The following NUTM1 variants were observed in gnomAD, a reference collection of about 807,000 sequenced individuals.
The protein encoded by NUTM1 is NUT midline carcinoma family member 1.
A neutral mutation model predicts 88.7 loss-of-function variants in NUTM1; 39 were observed. The observed-to-expected ratio is 0.44, with a 90% CI of 0.34 to 0.57. NUTM1 has a LOEUF of 0.57. NUTM1 is among the 20% of genes least tolerant of loss of function. The pLI, the probability that NUTM1 is intolerant of heterozygous loss-of-function variation, is 0.01. For missense variants in NUTM1, 1,350 were observed against 1,414.5 expected (o/e 0.95, Z 0.73); for synonymous variants, 494 against 538.0 (o/e 0.92, Z 1.13).
At position 34,357,281 on chromosome 15, in the gene NUTM1, C is replaced by G. The variant is rs1256621099; in HGVS notation, c.3273C>G (p.Ser1091Arg). ...TCCCTGCTGGAGCAAAAGGCCCCAGCAAACTTCCATATCCTGTTGCCAAGT... is the reference window on the plus strand; with the variant it reads ...TCCCTGCTGGAGCAAAAGGCCCCAGGAAACTTCCATATCCTGTTGCCAAGT... ...HLLPAGAKGP[S>R]KLPYPVAKSG... is the part of the protein sequence containing the mutation. Residue 1091 changes from serine to arginine, a missense_variant, in exon 8 of 8, where the codon AGC becomes AGG. Transcript: ENST00000537011. The G allele has an allele frequency of 1.9e-6, 3 of 1,614,024 alleles. No homozygotes were observed. The highest frequency in any genetic ancestry group is 2.5e-6 in the Non-Finnish European group (3 of 1,180,030).
intron 4 of NUTM1, among the ~76,000 whole-genome samples, chr15:34,351,169 T>A (rs1200286228): frequency 4.9e-5 from 6 of 122,022 alleles, no homozygotes; most frequent in African/African-American, 1.5e-4. Flanking sequence ...TGGAGGTTGC[T>A]GTGAGCCAAG....
At position 34,355,452 on chromosome 15, in the gene NUTM1, C is replaced by A. The variant is rs778006027; in HGVS notation, c.1480-36C>A. ...CCCACTCAGCCACCTCTTTCACAAC[C>A]ACGTATAGAACTGACTATTTGTTCA... is the stretch of plus-strand genomic sequence containing the variant. On this transcript the variant is annotated intron_variant, in intron 7 of 7. Coordinates refer to ENST00000537011, the MANE Select transcript of NUTM1 (RefSeq NM_001284292.2). This position sits in a 1 kb window ranked among gnomAD's most constrained non-coding sequence, Gnocchi z 4.3. 3 of 1,610,836 alleles carry A rather than the reference C, an allele frequency of 1.9e-6. No homozygotes were observed. The South Asian group carries it at 3.3e-5, about 18-fold the overall frequency.
rs764346470 is a variant in NUTM1 at position 34,357,476 on chromosome 15, ACGT to A, written c.3472_3474del (p.Arg1158del). ...TTGTCACGGGCAGAAGGAAGAAACG[ACGT>A]CGTAGCCAGTAGGGAGCAGCGGGAC... On this transcript the variant is annotated inframe_deletion, in exon 8 of 8. Transcript: ENST00000537011. 72 of 1,612,870 alleles carry A rather than the reference ACGT, an allele frequency of 4.5e-5. 2 individuals are homozygous for A. The South Asian group carries it at 6.6e-4, about 15-fold the overall frequency.
rs749623289 is a variant in NUTM1, at chr15:34,356,460, G to T, written c.2452G>T (p.Gly818Cys). ...DTESSVIPCGGTVAAAALEKR... is the reference protein window; with the variant it reads ...DTESSVIPCGCTVAAAALEKR... ...GGAGAGCAGTGTGATTCCCTGTGGAGGCACAGTTGCGGCAGCTGCCCTAGA... is the reference window on the plus strand; with the variant it reads ...GGAGAGCAGTGTGATTCCCTGTGGATGCACAGTTGCGGCAGCTGCCCTAGA... The change falls in exon 8 of 8, where the codon GGC becomes TGC. Residue 818 changes from glycine to cysteine, a missense_variant. Physicochemically the swap from Gly to Cys is radical, Grantham distance 159. Around this residue, in one of 5 missense-constraint regions of NUTM1, gnomAD observed 730 missense variants for 728.8 expected, o/e 1.00. Coordinates refer to ENST00000537011, the MANE Select transcript of NUTM1 (RefSeq NM_001284292.2). 101 of 1,612,530 alleles carry T rather than the reference G, an allele frequency of 6.3e-5. No homozygotes were observed. The highest frequency in any genetic ancestry group is 8.2e-5 in the Non-Finnish European group (97 of 1,179,132).
chr15:34,353,067 A>C (rs1290144701), intron 4 of NUTM1, among the ~76,000 whole-genome samples: 2 of 151,508 alleles, frequency 1.3e-5, no homozygotes, highest in Non-Finnish European at 2.9e-5. Flanking sequence ...GTGCATTTTT[A>C]GTAGAGACGG....
intron 1 of NUTM1, 30 bp downstream of exon 1, chr15:34,343,732 G>C: frequency 2.6e-6 from 4 of 1,529,882 alleles, no homozygotes; most frequent in Non-Finnish European, 3.5e-6. Flanking sequence ...GTAATAAAGT[G>C]CACCTTCTAG....
intron 2 of NUTM1, among the ~76,000 whole-genome samples, chr15:34,347,683 C>T (rs898708124): frequency 6.6e-6 from 1 of 152,070 alleles, no homozygotes; most frequent in Non-Finnish European, 1.5e-5. Context: ...GAAACCCCGT[C>T]TCTATTAAAA....
chr15:34,352,317 G>A (rs1328682027), intron 4 of NUTM1, among the ~76,000 whole-genome samples: 2 of 152,060 alleles, frequency 1.3e-5, no homozygotes, highest in East Asian at 1.9e-4. Flanking sequence ...CAGGACTCTG[G>A]GATCTCACAT....
Position 34,357,607 on chromosome 15 carries a change from GTTGTT to G in NUTM1, c.*122_*126del, listed in dbSNP as rs1194903568. 6.3e-7 allele frequency: 1 copy of G among 1,583,642 alleles called. No homozygotes were observed. The highest frequency in any genetic ancestry group is 1.3e-5 in the African/African-American group (1 of 74,556). On this transcript the variant is annotated 3_prime_UTR_variant, in exon 8 of 8. Coordinates refer to ENST00000537011, the MANE Select transcript of NUTM1 (RefSeq NM_001284292.2). Reference sequence around the variant, plus strand: ...TCCCAATGTTGAATCTCATCCCAATGTTGTTTTGTTGTTCTGCAAAAGTGGCAAGC... The same window carrying G: ...TCCCAATGTTGAATCTCATCCCAATGTTGTTGTTCTGCAAAAGTGGCAAGC...
chr15:34,350,884 A>G (rs756578618), intron 4 of NUTM1, 52 bp downstream of exon 4: 19 of 1,609,736 alleles, frequency 1.2e-5, no homozygotes, highest in Non-Finnish European at 1.5e-5. Flanking sequence ...GGCTGAGAGC[A>G]GTAAGGGCCG....
At position 34,356,819 on chromosome 15, in the gene NUTM1, C is replaced by A. The variant is rs777323270; in HGVS notation, c.2811C>A (p.Asp937Glu). The change falls in exon 8 of 8, where the codon GAC (aspartate) becomes GAA (glutamate). Residue 937 changes from aspartate (D) to glutamate (E), a missense_variant. Transcript: ENST00000537011. ...TCAACATACTAGATGTTAAAGATGACTGTGGCCTCCAACTAAGGGTCAGCG... is the reference window on the plus strand; with the variant it reads ...TCAACATACTAGATGTTAAAGATGAATGTGGCCTCCAACTAAGGGTCAGCG... ...EPVNILDVKD[D>E]CGLQLRVSED... 28 of 1,612,146 alleles carry A rather than the reference C, an allele frequency of 1.7e-5. No homozygotes were observed. The highest frequency in any genetic ancestry group is 2.2e-5 in the Non-Finnish European group (26 of 1,179,732).
Position 34,355,619 on chromosome 15 carries a change from G to A in NUTM1, c.1611G>A (p.Arg537=), listed in dbSNP as rs1890788033. The A allele has an allele frequency of 6.2e-7, 1 of 1,613,234 alleles. No individual in the cohort carries two copies. Among genetic ancestry groups the A allele is most frequent in the Non-Finnish European group, 8.5e-7 (1 of 1,179,610 alleles). The change falls in exon 8 of 8, where the codon CGG becomes CGA. Residue 537 remains arginine (R), a synonymous_variant. Coordinates refer to ENST00000537011, the MANE Select transcript of NUTM1 (RefSeq NM_001284292.2). This position sits in a 1 kb window ranked among gnomAD's most constrained non-coding sequence, Gnocchi z 4.3. ...ATGAAGATGGGGATGGGCGGCTTCG[G>A]CCCTCACCTGGGCTTCAGGGGGCTG... is the stretch of plus-strand genomic sequence containing the variant. The part of the protein sequence containing the change: ...VEDEDGDGRL[R]PSPGLQGAGG...
intron 1 of NUTM1, among the ~76,000 whole-genome samples, chr15:34,345,156 G>T (rs1555394056): frequency 6.6e-6 from 1 of 152,218 alleles, no homozygotes; most frequent in African/African-American, 2.4e-5. Flanking sequence ...AGGCCTTTTG[G>T]GGGAAATCCA....
chr15:34,356,351 T>C lies in NUTM1; in HGVS notation c.2343T>C (p.Thr781=). 2.5e-6 allele frequency: 4 copies of C among 1,613,824 alleles called. No individual in the cohort carries two copies. Among genetic ancestry groups the C allele is most frequent in the Non-Finnish European group, 3.4e-6 (4 of 1,179,928 alleles). The change falls in exon 8 of 8, where the codon ACT becomes ACC. Residue 781 remains threonine (T), a synonymous_variant. Transcript: ENST00000537011. The part of the protein sequence containing the change: ...IESFQVEKCV[T]EYQEGCQGLG... The stretch of plus-strand genomic sequence containing the variant: ...GCTTCCAAGTTGAGAAGTGTGTAAC[T>C]GAGTATCAGGAAGGCTGCCAGGGAC...
intron 4 of NUTM1, among the ~76,000 whole-genome samples, chr15:34,352,238 T>C (rs1006018068): frequency 2.0e-5 from 3 of 152,164 alleles, no homozygotes; most frequent in African/African-American, 7.2e-5. Context: ...AGCTTCCACT[T>C]ACTCCCTCCC....
chr15:34,356,753 A>T lies in NUTM1; in HGVS notation c.2745A>T (p.Arg915Ser). The change falls in exon 8 of 8, where the codon AGA becomes AGT. Residue 915 changes from arginine (R) to serine (S), a missense_variant. By Grantham distance (110) the Arg-to-Ser change is moderately radical. This residue lies in a region of NUTM1 where 730 missense variants were observed against 728.8 expected (regional missense o/e 1.00). Coordinates refer to ENST00000537011, the MANE Select transcript of NUTM1 (RefSeq NM_001284292.2). ...AAGCCAGTCAAGAGGCAGGGAGCAG[A>T]GGCAATTCCTTTTCTCCTCTGTTGG... ...LPEASQEAGSRGNSFSPLLET... is the reference protein window; with the variant it reads ...LPEASQEAGSSGNSFSPLLET... The T allele has an allele frequency of 1.2e-6, 2 of 1,612,854 alleles. No homozygotes were observed. Among genetic ancestry groups the T allele is most frequent in the South Asian group, 2.2e-5 (2 of 90,998 alleles).
chr15:34,345,841 C>G, intron 1 of NUTM1, 101 bp from the exon 2 acceptor site: 1 of 1,491,186 alleles, frequency 6.7e-7, no homozygotes, highest in Non-Finnish European at 9.0e-7. Context: ...TTTCCCTCTC[C>G]CCTCCCCCAC....
intron 1 of NUTM1, 69 bp downstream of exon 1, chr15:34,343,771 G>A: frequency 7.2e-7 from 1 of 1,395,470 alleles, no homozygotes; most frequent in South Asian, 1.3e-5. Flanking sequence ...AAAGAATATA[G>A]AAGTTCTCCT....
rs531690768 is a variant in NUTM1, at chr15:34,354,543, C to T, written c.1173C>T (p.Ile391=). The T allele has an allele frequency of 4.1e-5, 66 of 1,614,146 alleles. No homozygotes were observed. In the South Asian group the frequency reaches 6.7e-4, roughly 16 times the overall value. Reference sequence around the variant, plus strand: ...CTGCTCCTGAGGCACCCAAGGAGATCCCACCAGAAGCTGTGAAGGAGTATG... The same window carrying T: ...CTGCTCCTGAGGCACCCAAGGAGATTCCACCAGAAGCTGTGAAGGAGTATG... ...RPPAPEAPKE[I]PPEAVKEYVD... is the part of the protein sequence containing the mutation. The change falls in exon 6 of 8, where the codon ATC becomes ATT. Residue 391 remains isoleucine, a synonymous_variant. Coordinates refer to ENST00000537011, the MANE Select transcript of NUTM1 (RefSeq NM_001284292.2).
Sources: allele counts gnomAD v4.1 joint callset (sites outside exome capture counted in the v4.1 genomes callset), GRCh38; gene constraint gnomAD v4.1.1; regional missense constraint gnomAD v4.1.1; non-coding constraint Gnocchi (gnomAD v3.1); transcripts MANE v1.5; gene names NCBI Gene and HGNC (gene_info 2026-07-23, HGNC 2026-07-21).